The following NEB variants were observed in gnomAD, a reference collection of about 807,000 sequenced individuals.
NEB encodes the protein nebulin.
In NEB, 512 loss-of-function variants were observed where a neutral mutation model predicts 952.2. The observed-to-expected ratio is 0.54, with a 90% CI of 0.50 to 0.58. The LOEUF (loss-of-function observed/expected upper bound fraction) is 0.58. Ranked by LOEUF, NEB falls within the 20% of genes least tolerant of loss-of-function variation. The pLI, the probability that NEB is intolerant of heterozygous loss-of-function variation, is 0.00. For synonymous variants in NEB, 2,900 were observed against 3,149.8 expected (o/e 0.92, Z 2.66); for missense variants, 8,428 against 9,231.1 (o/e 0.91, Z 3.56).
Position 151,723,520 on chromosome 2 carries a change from G to T in NEB, c.613-34C>A, listed in dbSNP as rs1348351776. On this transcript the variant is annotated intron_variant, in intron 8 of 181. Transcript: ENST00000397345. ...AAAAAGAGTGAAAAGTTAGGAGGAA[G>T]TAGGGTCACGTTTACACAAAATACA... is the stretch of plus-strand genomic sequence containing the variant. 6 of 1,446,768 alleles carry T rather than the reference G, an allele frequency of 4.1e-6. No homozygotes were observed. In the African/African-American group the frequency reaches 8.4e-5, roughly 20 times the overall value. 89.6% of individuals were successfully genotyped at this position (1,446,768 alleles called of 1,614,324 possible). A position where few individuals can be genotyped will look rare whatever the true frequency, so the allele number is the denominator to read the frequency against.
chr2:151,619,809 T>C, intron 72 of NEB, 47 bp from the exon 73 acceptor site: 1 of 1,538,456 alleles, frequency 6.5e-7, no homozygotes, highest in Non-Finnish European at 8.8e-7. Flanking sequence ...AAAGGGCTAT[T>C]CCCTGTTGTT....
chr2:151,660,358 G>GTGTATGTA (rs371691551), intron 46 of NEB, among the ~76,000 whole-genome samples: 9 of 151,964 alleles, frequency 5.9e-5, no homozygotes, highest in African/African-American at 2.2e-4. Context: ...ATATTCTTGT[G>GTGTATGTA]TGTATGTATG....
intron 70 of NEB, among the ~76,000 whole-genome samples, chr2:151,626,576 G>A (rs575774513): frequency 2.7e-5 from 4 of 150,454 alleles, no homozygotes; most frequent in South Asian, 2.1e-4. Context: ...TTGCTCTGTC[G>A]CCCAGGCTGG....
chr2:151,697,398 C>T lies in NEB; in HGVS notation c.1317G>A (p.Glu439=), dbSNP rs776261033. Reference sequence around the variant, plus strand: ...TCATGCAGTGTGAATGGTATGGATCCTCGAAGCTGCCTACATAATGTCCCA... The same window carrying T: ...TCATGCAGTGTGAATGGTATGGATCTTCGAAGCTGCCTACATAATGTCCCA... ...DILGHYVGSF[E]DPYHSHCMKV... is the part of the protein sequence containing the mutation. Residue 439 remains glutamate, a synonymous_variant, in exon 15 of 182, where the codon GAG becomes GAA. Coordinates refer to ENST00000397345, the MANE Select transcript of NEB (RefSeq NM_001164508.2). 29 of 1,613,834 alleles carry T rather than the reference C, an allele frequency of 1.8e-5. No individual in the cohort carries two copies. The highest frequency in any genetic ancestry group is 2.3e-5 in the Non-Finnish European group (27 of 1,179,882).
At chr2:151,574,583 A>T (rs1407092211) in intron 107 of NEB, among the ~76,000 whole-genome samples, 1 of 152,118 alleles carries the variant, frequency 6.6e-6, no homozygotes, top group Non-Finnish European at 1.5e-5. Context: ...GTTCTATGGC[A>T]CTATTAGGTC....
intron 3 of NEB, among the ~76,000 whole-genome samples, chr2:151,732,864 T>C (rs1394879538): frequency 6.6e-6 from 1 of 152,208 alleles, no homozygotes; most frequent in Non-Finnish European, 1.5e-5. Flanking sequence ...AATTAAAACC[T>C]GCCTTTACTC....
chr2:151,612,390 C>T lies in NEB; in HGVS notation c.11602-1G>A. On this transcript the variant is annotated splice_acceptor_variant, in intron 77 of 181. Transcript: ENST00000397345. LOFTEE classifies it high-confidence loss of function. ...ACTCAAGATCAGATTTGTAAATAGC[C>T]TGAAAATGAAATAATGTCAAATATT... 1 of 1,612,894 alleles carries T rather than the reference C, an allele frequency of 6.2e-7. No individual in the cohort carries two copies. Among genetic ancestry groups the T allele is most frequent in the Non-Finnish European group, 8.5e-7 (1 of 1,179,116 alleles).
chr2:151,617,503 G>GAC, intron 74 of NEB, 35 bp from the exon 75 acceptor site: 3 of 1,227,266 alleles, frequency 2.4e-6, no homozygotes, highest in Non-Finnish European at 3.4e-6. Flanking sequence ...GAGAGAGAGA[G>GAC]AAAAATTATT....
At position 151,692,318 on chromosome 2, in the gene NEB, C is replaced by T. The variant is rs759747841; in HGVS notation, c.1941G>A (p.Met647Ile). ...ENYEKTKAKSMNYCETPKYQL... is the reference protein window; with the variant it reads ...ENYEKTKAKSINYCETPKYQL... ...GATATTTTGGGGTCTCACAGTAATT[C>T]ATACTCTTTGCCTTTGTCTTCTCAT... Residue 647 changes from methionine (M) to isoleucine (I), a missense_variant, in exon 21 of 182, where the codon ATG becomes ATA. This residue lies in a region of NEB where 2,851 missense variants were observed against 2,791.5 expected (regional missense o/e 1.02). Coordinates refer to ENST00000397345, the MANE Select transcript of NEB (RefSeq NM_001164508.2). 40 of 1,613,566 alleles carry T rather than the reference C, an allele frequency of 2.5e-5. No individual in the cohort carries two copies. Among genetic ancestry groups the T allele is most frequent in the Non-Finnish European group, 3.3e-5 (39 of 1,179,696 alleles).
At chr2:151,645,550 G>A (rs753739208) in intron 55 of NEB, among the ~76,000 whole-genome samples, 3 of 152,306 alleles carry the variant, frequency 2.0e-5, no homozygotes, top group African/African-American at 4.8e-5. Context: ...ATTATTTAAA[G>A]TGCCTATTGA....
chr2:151,494,612 T>C (rs4994327), intron 173 of NEB, among the ~76,000 whole-genome samples: 98,056 of 152,010 alleles, frequency 0.65, 31,960 homozygotes, highest in East Asian at 0.79. Context: ...GTTGAGGCTG[T>C]TCCTAATACA....
chr2:151,626,965 T>C (rs753559022), intron 70 of NEB, 37 bp downstream of exon 70: 3 of 1,603,960 alleles, frequency 1.9e-6, no homozygotes, highest in South Asian at 1.1e-5. Context: ...GAATGACATA[T>C]AGCCCTGTCT....
chr2:151,578,725 GGGAAGGAA>G (rs1039402097), intron 105 of NEB, among the ~76,000 whole-genome samples: 1 of 146,688 alleles, frequency 6.8e-6, no homozygotes, highest in African/African-American at 2.5e-5. Flanking sequence ...GAAGGAAGGA[GGGAAGGAA>G]GGAAGGAAGG....
chr2:151,620,345 G>GTATATATATATATATATATA (rs775274994), intron 72 of NEB, among the ~76,000 whole-genome samples: 1 of 87,934 alleles, frequency 1.1e-5, no homozygotes, highest in Non-Finnish European at 2.2e-5. Context: ...ATGTATGTGT[G>GTATATATATATATATATATA]TGTATATATA....
rs1222640287 is a variant in NEB at position 151,650,596 on chromosome 2, T to C, written c.7205A>G (p.Lys2402Arg). ...PDQNDVVQAK[K>R]VYELQSENLY... ...GACCTCACTTTGCAGTTCATAAACT[T>C]TCTTAGCTTGCACAACATCGTTCTG... Residue 2402 changes from lysine (K) to arginine (R), a missense_variant, in exon 53 of 182, where the codon AAA (lysine) becomes AGA (arginine). Transcript: ENST00000397345. 1.9e-6 allele frequency: 3 copies of C among 1,585,500 alleles called. No homozygotes were observed. The African/African-American group carries it at 4.1e-5, about 21-fold the overall frequency.
At chr2:151,732,144 C>G (rs1189554068) in intron 3 of NEB, among the ~76,000 whole-genome samples, 1 of 152,084 alleles carries the variant, frequency 6.6e-6, no homozygotes, top group East Asian at 1.9e-4. Flanking sequence ...TATTAAAAAG[C>G]ACAGATTTTC....
rs2099085796 is a variant in NEB, at chr2:151,656,407, G to A, written c.6241C>T (p.Leu2081Phe). The A allele has an allele frequency of 4.3e-6, 7 of 1,613,478 alleles. No homozygotes were observed. Among genetic ancestry groups the A allele is most frequent in the Non-Finnish European group, 4.2e-6 (5 of 1,179,614 alleles). Residue 2081 changes from leucine to phenylalanine, a missense_variant, in exon 49 of 182, where the codon CTC becomes TTC. Around this residue, in one of 11 missense-constraint regions of NEB, gnomAD observed 2,851 missense variants for 2,791.5 expected, o/e 1.02. Coordinates refer to ENST00000397345, the MANE Select transcript of NEB (RefSeq NM_001164508.2). ...GKGKMVGFRS[L>F]EDDPKLVHSM... ...TGGACTAATTTGGGATCATCCTCGAGACTGCGGAAACCAACCATTTTCCCC... is the reference window on the plus strand; with the variant it reads ...TGGACTAATTTGGGATCATCCTCGAAACTGCGGAAACCAACCATTTTCCCC...
rs2095977078 is a variant in NEB, at chr2:151,560,592, A to G, written c.19314T>C (p.His6438=). 1.2e-6 allele frequency: 2 copies of G among 1,607,942 alleles called. No individual in the cohort carries two copies. The highest frequency in any genetic ancestry group is 1.7e-6 in the Non-Finnish European group (2 of 1,177,080). Residue 6438 remains histidine (H), a splice_region_variant and synonymous_variant, in exon 124 of 182, where the codon CAT becomes CAC. Coordinates refer to ENST00000397345, the MANE Select transcript of NEB (RefSeq NM_001164508.2). ...HAKNQKHLAS[H]IKYREEYEKF... ...GCTGTCATGTTTTTGCTTTACTTAC[A>G]TGGCTGGCCAGATGCTTCTGGTTCT...
At chr2:151,729,748 G>A (rs2099801171) in intron 3 of NEB, 92 bp from the exon 4 acceptor site, 2 of 1,309,270 alleles carry the variant, frequency 1.5e-6, no homozygotes, top group Admixed American at 3.4e-5. Context: ...GACTGCACTA[G>A]CTCGGTTGAT....
Sources: allele counts gnomAD v4.1 joint callset (sites outside exome capture counted in the v4.1 genomes callset), GRCh38; gene constraint gnomAD v4.1.1; regional missense constraint gnomAD v4.1.1; transcripts MANE v1.5; gene names NCBI Gene and HGNC (gene_info 2026-07-23, HGNC 2026-07-21).